SCARA3: variants seen among roughly 807,000 people sequenced by gnomAD.
SCARA3 encodes cellular stress response gene protein.
A neutral mutation model predicts 47.0 loss-of-function variants in SCARA3; 39 were observed. The observed-to-expected ratio is 0.83, with a 90% CI of 0.64 to 1.08. The LOEUF (loss-of-function observed/expected upper bound fraction) is 1.08, where lower values mean the gene tolerates loss of function less well. SCARA3 is among the 50% of genes least tolerant of loss of function. SCARA3 has a pLI of 0.00. For synonymous variants in SCARA3, 356 were observed against 334.1 expected, an observed-to-expected ratio of 1.07 and a Z score of -0.71; for missense variants, 724 against 792.3, an observed-to-expected ratio of 0.91 and a Z score of 1.04.
chr8:27,706,293 A>G, the SCARA3 span, among the ~76,000 whole-genome samples: 6 of 152,188 alleles, frequency 3.9e-5, no homozygotes, highest in Admixed American at 6.5e-5. Context: ...AGCTGGGATT[A>G]CAGATGTGCA....
At chr8:27,677,468 G>A (rs537828525), downstream of SCARA3, among the ~76,000 whole-genome samples, 3 of 152,180 alleles carry the variant, frequency 2.0e-5, no homozygotes, top group Non-Finnish European at 4.4e-5. Flanking sequence ...GTATACAGTG[G>A]TGGGGAATTT....
intron 1 of SCARA3, among the ~76,000 whole-genome samples, chr8:27,637,063 T>C (rs533856742): frequency 6.6e-6 from 1 of 152,324 alleles, no homozygotes; most frequent in South Asian, 2.1e-4. Flanking sequence ...AAACACGTGA[T>C]GTGATGTGAT....
intron 2 of SCARA3, among the ~76,000 whole-genome samples, chr8:27,650,972 G>T (rs148570450): frequency 2.0e-4 from 30 of 152,294 alleles, no homozygotes; most frequent in Admixed American, 1.6e-3. Flanking sequence ...TGATCCCCCT[G>T]CCTCAGCCTC....
the SCARA3 span, among the ~76,000 whole-genome samples, chr8:27,716,495 G>C: frequency 6.6e-6 from 1 of 152,078 alleles, no homozygotes; most frequent in East Asian, 1.9e-4. Flanking sequence ...GCTTCAAGGG[G>C]CTCCTGCTAC....
downstream of SCARA3, among the ~76,000 whole-genome samples, chr8:27,675,959 T>G (rs993881786): frequency 6.6e-6 from 1 of 152,150 alleles, no homozygotes; most frequent in Non-Finnish European, 1.5e-5. Context: ...ACGCCCCAGA[T>G]AAAACTTGAG....
the SCARA3 span, among the ~76,000 whole-genome samples, chr8:27,692,613 C>T: frequency 6.6e-6 from 1 of 152,046 alleles, no homozygotes; most frequent in African/African-American, 2.4e-5. Context: ...CTTTCCTTTC[C>T]AGATCTTTCC....
chr8:27,700,083 C>T, the SCARA3 span, among the ~76,000 whole-genome samples: 1 of 151,992 alleles, frequency 6.6e-6, no homozygotes, highest in Non-Finnish European at 1.5e-5. Flanking sequence ...TTAAAAAATA[C>T]ATAAGATAAT....
chr8:27,683,304 A>G, the SCARA3 span, among the ~76,000 whole-genome samples: 3 of 152,204 alleles, frequency 2.0e-5, no homozygotes, highest in Non-Finnish European at 4.4e-5. Flanking sequence ...GTAAAGAAGC[A>G]TAAGGAAATC....
chr8:27,674,336 G>A (rs1486117277), downstream of SCARA3, among the ~76,000 whole-genome samples: 3 of 152,164 alleles, frequency 2.0e-5, no homozygotes, highest in Non-Finnish European at 4.4e-5. Flanking sequence ...GAGGTGCCTC[G>A]GTGGCCATGG....
chr8:27,715,865 C>CATAGATAG, the SCARA3 span, among the ~76,000 whole-genome samples: 102 of 90,102 alleles, frequency 1.1e-3, no homozygotes, highest in Admixed American at 1.1e-3. The surrounding 1 kb of genome is among the most constrained non-coding windows in gnomAD (Gnocchi z 4.2). Flanking sequence ...TAGATAGATA[C>CATAGATAG]ATAGATAGAT....
At chr8:27,666,673 C>T (rs1802021683) in intron 5 of SCARA3, among the ~76,000 whole-genome samples, 1 of 152,222 alleles carries the variant, frequency 6.6e-6, no homozygotes, top group Non-Finnish European at 1.5e-5. Context: ...AGAGGCACCC[C>T]TTTGTTTTAT....
Position 27,651,538 on chromosome 8 carries a change from A to G in SCARA3, c.137A>G (p.Gln46Arg), listed in dbSNP as rs759027634. 5.0e-6 allele frequency: 8 copies of G among 1,613,762 alleles called. No homozygotes were observed. In the East Asian group the frequency reaches 1.3e-4, roughly 27 times the overall value. Residue 46 changes from glutamine (Q) to arginine (R), a missense_variant, in exon 3 of 6, where the codon CAG (glutamine) becomes CGG (arginine). Gln to Arg is a conservative substitution (Grantham distance 43). Transcript: ENST00000301904. ...CCAGGGCCCCGCTGCAGCCGCTGCC[A>G]GAAGAACCTATCTTTGCACACATCG... ...GRPGPRCSRCQKNLSLHTSVR... is the reference protein window; with the variant it reads ...GRPGPRCSRCRKNLSLHTSVR...
chr8:27,715,731 CAGACAAACACAGTCAGACAGACAGATAGT>C, the SCARA3 span, among the ~76,000 whole-genome samples: 1 of 151,892 alleles, frequency 6.6e-6, no homozygotes, highest in African/African-American at 2.4e-5. This position sits in a 1 kb window ranked among gnomAD's most constrained non-coding sequence, Gnocchi z 4.2. Flanking sequence ...CAGACACAGA[CAGACAAACACAGTCAGACAGACAGATAGT>C]AGACAGACAC....
intron 1 of SCARA3, among the ~76,000 whole-genome samples, chr8:27,645,163 C>T (rs541148189): frequency 1.3e-5 from 2 of 152,374 alleles, no homozygotes; most frequent in African/African-American, 2.4e-5. Flanking sequence ...ATGCATCCAT[C>T]GTCCCCAACA....
the SCARA3 span, among the ~76,000 whole-genome samples, chr8:27,698,729 GA>G: frequency 6.6e-6 from 1 of 151,698 alleles, no homozygotes. Flanking sequence ...CAAAAAATAA[GA>G]AAATTAAAAT....
chr8:27,660,288 A>G (rs1291344228), intron 5 of SCARA3, among the ~76,000 whole-genome samples: 1 of 152,116 alleles, frequency 6.6e-6, no homozygotes, highest in Non-Finnish European at 1.5e-5. Context: ...AATAGAATCA[A>G]TAGTGTATAT....
At chr8:27,723,965 G>A in the SCARA3 span, among the ~76,000 whole-genome samples, 1 of 152,114 alleles carries the variant, frequency 6.6e-6, no homozygotes, top group Admixed American at 6.6e-5. Context: ...CGAACACATA[G>A]CCTCAAGTGA....
chr8:27,665,103 G>A (rs1000166640), intron 5 of SCARA3, among the ~76,000 whole-genome samples: 5 of 152,228 alleles, frequency 3.3e-5, no homozygotes, highest in Non-Finnish European at 7.3e-5. Flanking sequence ...GGAATAAAGG[G>A]AGGGATTGCA....
Position 27,672,437 on chromosome 8 carries a change from C to T in SCARA3, c.*1086C>T. 1.0e-6 allele frequency: 1 copy of T among 985,592 alleles called. No homozygotes were observed. Among genetic ancestry groups the T allele is most frequent in the Non-Finnish European group, 1.2e-6 (1 of 830,054 alleles). The allele number at this position is 985,592 out of a possible 1,614,324, so 61.1% of individuals were successfully genotyped here. On this transcript the variant is annotated 3_prime_UTR_variant, in exon 6 of 6. Transcript: ENST00000301904. ...CCCTGAGGCTGGCCTGCCCCATTCCCCAAGGGGGCTCCTCTGGAGTGGTGG... is the reference window on the plus strand; with the variant it reads ...CCCTGAGGCTGGCCTGCCCCATTCCTCAAGGGGGCTCCTCTGGAGTGGTGG...
Sources: allele counts gnomAD v4.1 joint callset (sites outside exome capture counted in the v4.1 genomes callset), GRCh38; gene constraint gnomAD v4.1.1; non-coding constraint Gnocchi (gnomAD v3.1); transcripts MANE v1.5; gene names NCBI Gene and HGNC (gene_info 2026-07-23, HGNC 2026-07-21).